The following RAP1GDS1 variants were observed in gnomAD, a reference collection of about 807,000 sequenced individuals.
RAP1GDS1 encodes the protein Rap1 GTPase-GDP dissociation stimulator 1, also known as RAP1, GTP-GDP dissociation stimulator 1.
In RAP1GDS1, 35 loss-of-function variants were observed where a neutral mutation model predicts 71.1. The ratio of observed to expected loss-of-function variants is 0.49; its 90% CI spans 0.38 to 0.65. The LOEUF (loss-of-function observed/expected upper bound fraction) is 0.65, where lower values mean the gene tolerates loss of function less well. Among genes scored for constraint, RAP1GDS1 ranks in the 30% least tolerant of loss-of-function variants. The pLI, the probability that RAP1GDS1 is intolerant of heterozygous loss-of-function variation, is 0.00. For missense variants in RAP1GDS1, 663 were observed against 706.1 expected (o/e 0.94, Z 0.69); for synonymous variants, 229 against 243.1 (o/e 0.94, Z 0.54).
chr4:98,295,158 A>G (rs932567286), intron 2 of RAP1GDS1, among the ~76,000 whole-genome samples: 2 of 152,098 alleles, frequency 1.3e-5, no homozygotes, highest in Admixed American at 1.3e-4. Flanking sequence ...AGAAACACTG[A>G]GAAGTTCATA....
intron 2 of RAP1GDS1, among the ~76,000 whole-genome samples, chr4:98,304,674 C>T (rs906310110): frequency 7.2e-5 from 11 of 152,088 alleles, no homozygotes; most frequent in Non-Finnish European, 1.2e-4. Context: ...GTTTCTTTTG[C>T]TGCGCAAAAG....
In RAP1GDS1 at chr4:98,442,088, A is replaced by G; in HGVS notation, c.1795A>G (p.Thr599Ala). ...NKSVAQQASL[T>A]EQRLTVES ...AAGTGTTGCCCAGCAGGCCTCTCTC[A>G]CAGAGCAGAGACTTACTGTGGAAAG... is the stretch of plus-strand genomic sequence containing the variant. The change falls in exon 15 of 15, where the codon ACA becomes GCA. Residue 599 changes from threonine (T) to alanine (A), a missense_variant. Transcript: ENST00000408927. 6.2e-7 allele frequency: 1 copy of G among 1,613,846 alleles called. No individual in the cohort carries two copies. The highest frequency in any genetic ancestry group is 1.3e-5 in the African/African-American group (1 of 75,050).
chr4:98,329,379 C>T (rs1279730222), intron 2 of RAP1GDS1, among the ~76,000 whole-genome samples: 3 of 152,120 alleles, frequency 2.0e-5, no homozygotes, highest in Non-Finnish European at 2.9e-5. Flanking sequence ...TATTTAATCT[C>T]ATCTGTTTTA....
intron 1 of RAP1GDS1, among the ~76,000 whole-genome samples, chr4:98,274,266 A>G (rs1331344224): frequency 2.0e-5 from 3 of 151,034 alleles, no homozygotes; most frequent in Non-Finnish European, 4.4e-5. Context: ...CAAAAAAATC[A>G]CAATAAAACT....
chr4:98,295,384 A>G (rs1020231220), intron 2 of RAP1GDS1, among the ~76,000 whole-genome samples: 15 of 152,112 alleles, frequency 9.9e-5, no homozygotes, highest in African/African-American at 2.9e-4. Context: ...AACAAAATTT[A>G]TAAATGCCCT....
At chr4:98,426,680 TA>T (rs1749658109) in intron 12 of RAP1GDS1, among the ~76,000 whole-genome samples, 1 of 151,774 alleles carries the variant, frequency 6.6e-6, no homozygotes, top group Non-Finnish European at 1.5e-5. Context: ...ATTATTTAGA[TA>T]CCCTGAACAG....
intron 6 of RAP1GDS1, among the ~76,000 whole-genome samples, chr4:98,399,537 A>AC (rs1745060167): frequency 6.6e-6 from 1 of 152,070 alleles, no homozygotes; most frequent in Non-Finnish European, 1.5e-5. Context: ...CAAGCAGTCC[A>AC]CCTGCCTTAG....
At chr4:98,291,303 A>G (rs1227918450) in intron 1 of RAP1GDS1, among the ~76,000 whole-genome samples, 1 of 152,208 alleles carries the variant, frequency 6.6e-6, no homozygotes, top group Non-Finnish European at 1.5e-5. Context: ...TATATAGGAA[A>G]GAAATTGTTT....
At chr4:98,361,195 A>G (rs1005739581) in intron 4 of RAP1GDS1, among the ~76,000 whole-genome samples, 2 of 151,828 alleles carry the variant, frequency 1.3e-5, no homozygotes, top group Non-Finnish European at 2.9e-5. Flanking sequence ...CTATATATGC[A>G]TTTGCTCTCA....
chr4:98,282,862 G>A (rs370749884), intron 1 of RAP1GDS1, among the ~76,000 whole-genome samples: 7 of 152,032 alleles, frequency 4.6e-5, no homozygotes, highest in African/African-American at 1.2e-4. Flanking sequence ...TATTTCTGCC[G>A]TCACTTTGTT....
chr4:98,343,926 C>T (rs1447180491), intron 3 of RAP1GDS1, among the ~76,000 whole-genome samples: 1 of 152,146 alleles, frequency 6.6e-6, no homozygotes, highest in Non-Finnish European at 1.5e-5. Context: ...GAAGGCCGTA[C>T]TATATATAAT....
intron 2 of RAP1GDS1, among the ~76,000 whole-genome samples, chr4:98,302,132 G>C (rs561161570): frequency 6.6e-6 from 1 of 152,224 alleles, no homozygotes; most frequent in East Asian, 1.9e-4. Flanking sequence ...AAACATTTTA[G>C]CTATTAAAAA....
chr4:98,391,060 C>A (rs1226216350), intron 5 of RAP1GDS1, among the ~76,000 whole-genome samples: 2 of 152,076 alleles, frequency 1.3e-5, no homozygotes, highest in Non-Finnish European at 2.9e-5. Flanking sequence ...TAGTGTTTTG[C>A]ATAAACATAT....
chr4:98,323,325 C>T (rs1164494151), intron 2 of RAP1GDS1, among the ~76,000 whole-genome samples: 1 of 144,580 alleles, frequency 6.9e-6, no homozygotes, highest in South Asian at 2.2e-4. Flanking sequence ...GGATTCGCAG[C>T]CGAATTCTAC....
chr4:98,285,839 T>A (rs1175013801), intron 1 of RAP1GDS1, among the ~76,000 whole-genome samples: 1 of 147,366 alleles, frequency 6.8e-6, no homozygotes, highest in Non-Finnish European at 1.5e-5. Flanking sequence ...ATAAATAAAT[T>A]ATAAATAATT....
intron 1 of RAP1GDS1, among the ~76,000 whole-genome samples, chr4:98,274,708 T>G (rs1365903139): frequency 1.3e-5 from 2 of 152,174 alleles, no homozygotes; most frequent in Non-Finnish European, 2.9e-5. Context: ...AGACTCTAAC[T>G]CTTCCGTGAT....
chr4:98,297,184 A>C (rs1438382663), intron 2 of RAP1GDS1, among the ~76,000 whole-genome samples: 1 of 152,088 alleles, frequency 6.6e-6, no homozygotes, highest in Non-Finnish European at 1.5e-5. Context: ...CACATCTCTA[A>C]TCTTCTATGA....
At chr4:98,408,283 C>T (rs1746457588) in intron 7 of RAP1GDS1, among the ~76,000 whole-genome samples, 1 of 151,864 alleles carries the variant, frequency 6.6e-6, no homozygotes, top group African/African-American at 2.4e-5. Flanking sequence ...CCTCCTACCA[C>T]GCCTGGCTAA....
At chr4:98,429,304 A>G (rs1166684155) in intron 12 of RAP1GDS1, among the ~76,000 whole-genome samples, 1 of 151,890 alleles carries the variant, frequency 6.6e-6, no homozygotes, top group African/African-American at 2.4e-5. Flanking sequence ...ATATATATAT[A>G]TGATGGAATG....
Sources: allele counts gnomAD v4.1 joint callset (sites outside exome capture counted in the v4.1 genomes callset), GRCh38; gene constraint gnomAD v4.1.1; transcripts MANE v1.5; gene names NCBI Gene and HGNC (gene_info 2026-07-23, HGNC 2026-07-21).